Variants in EIF4G1 observed in about 807,000 individuals in gnomAD.
EIF4G1 encodes EIF4-gamma.
In EIF4G1, 4 loss-of-function variants were observed where a neutral mutation model predicts 187.8. That is an observed-to-expected ratio of 0.02 (90% CI 0.01 to 0.05). EIF4G1 has a LOEUF of 0.05. Ranked by LOEUF, EIF4G1 falls within the 10% of genes least tolerant of loss-of-function variation. EIF4G1 has a pLI of 1.00. For synonymous variants in EIF4G1, 844 were observed against 781.4 expected, an observed-to-expected ratio of 1.08 and a Z score of -1.34; for missense variants, 1,647 against 2,081.1, an observed-to-expected ratio of 0.79 and a Z score of 4.06.
chr3:184,323,039 C>T lies in EIF4G1; in HGVS notation c.1930-44C>T, dbSNP rs1173758341. The stretch of plus-strand genomic sequence containing the variant: ...CCTGAGGTCCTGAAAGAGTAGTCAA[C>T]CGCTCTAGCCTGCTTCTGAGACCTT... On this transcript the variant is annotated intron_variant, in intron 13 of 32. Transcript: ENST00000346169. The surrounding 1 kb of genome is among the most constrained non-coding windows in gnomAD (Gnocchi z 6.9). The T allele has an allele frequency of 1.2e-6, 2 of 1,614,166 alleles. No homozygotes were observed. Among genetic ancestry groups the T allele is most frequent in the Admixed American group, 1.7e-5 (1 of 60,026 alleles).
intron 32 of EIF4G1, among the ~76,000 whole-genome samples, chr3:184,333,245 G>T (rs1726476715): frequency 6.6e-6 from 1 of 152,204 alleles, no homozygotes; most frequent in South Asian, 2.1e-4. Context: ...CATTTGCTGG[G>T]GTAGGCAACG....
intron 28 of EIF4G1, among the ~76,000 whole-genome samples, chr3:184,329,901 C>T (rs553407245): frequency 1.3e-5 from 2 of 152,236 alleles, no homozygotes; most frequent in East Asian, 3.9e-4. Context: ...TTCAAGGGTT[C>T]AGCCATCTGG....
At chr3:184,318,049 A>T (rs1360907284) in intron 6 of EIF4G1, among the ~76,000 whole-genome samples, 1 of 152,190 alleles carries the variant, frequency 6.6e-6, no homozygotes, top group Non-Finnish European at 1.5e-5. Context: ...GGAATGTAGG[A>T]TCAGGCACCA....
In EIF4G1 at chr3:184,323,350, TCA is replaced by T. The variant is rs1491522775; in HGVS notation, c.2089-55_2089-54del. The T allele has an allele frequency of 1.9e-6, 3 of 1,612,352 alleles. No homozygotes were observed. The highest frequency in any genetic ancestry group is 1.7e-5 in the Admixed American group (1 of 59,932). On this transcript the variant is annotated intron_variant, in intron 14 of 32. Coordinates refer to ENST00000346169, the MANE Select transcript of EIF4G1 (RefSeq NM_198241.3). This position sits in a 1 kb window ranked among gnomAD's most constrained non-coding sequence, Gnocchi z 6.9. ...GCCCTGGAGGCGTGTAGTAGTGGTG[TCA>T]CATATTGTGCTGACTAGTTCCATGT...
chr3:184,318,660 A>T (rs1723213934), intron 6 of EIF4G1, among the ~76,000 whole-genome samples: 1 of 152,184 alleles, frequency 6.6e-6, no homozygotes. Flanking sequence ...GCTGGAATGT[A>T]GTCGCACAGT....
At chr3:184,326,320 AG>A (rs1329172074) in intron 21 of EIF4G1, among the ~76,000 whole-genome samples, 9 of 152,360 alleles carry the variant, frequency 5.9e-5, no homozygotes, top group African/African-American at 2.2e-4. Context: ...ATTGGAACAC[AG>A]TCACAGCATG....
chr3:184,323,070 G>A lies in EIF4G1; in HGVS notation c.1930-13G>A, dbSNP rs1724195121. 6.2e-7 allele frequency: 1 copy of A among 1,614,148 alleles called. No homozygotes were observed. The highest frequency in any genetic ancestry group is 1.1e-5 in the South Asian group (1 of 91,088). Reference sequence around the variant, plus strand: ...TAGCCTGCTTCTGAGACCTTTTCCTGTCCTCTTTGCAGGCCAATAAAACAC... The same window carrying A: ...TAGCCTGCTTCTGAGACCTTTTCCTATCCTCTTTGCAGGCCAATAAAACAC... On this transcript the variant is annotated splice_polypyrimidine_tract_variant and intron_variant, in intron 13 of 32. Transcript: ENST00000346169. The surrounding 1 kb of genome is among the most constrained non-coding windows in gnomAD (Gnocchi z 6.9).
rs1724216785 is a variant in EIF4G1 at position 184,323,251 on chromosome 3, G to A, written c.2088+10G>A. The A allele has an allele frequency of 1.2e-6, 2 of 1,613,990 alleles. No individual in the cohort carries two copies. The highest frequency in any genetic ancestry group is 2.7e-5 in the African/African-American group (2 of 74,948). ...GCTGCCCCGTGGGCCGGTGAGTGGG[G>A]CTGGGTAAAGTGGCAGGTGGGCAAG... On this transcript the variant is annotated intron_variant, in intron 14 of 32. Transcript: ENST00000346169. This position sits in a 1 kb window ranked among gnomAD's most constrained non-coding sequence, Gnocchi z 6.9.
At position 184,335,048 on chromosome 3, in the gene EIF4G1, A is replaced by G; in HGVS notation, c.*140A>G. On this transcript the variant is annotated 3_prime_UTR_variant, in exon 33 of 33. Coordinates refer to ENST00000346169, the MANE Select transcript of EIF4G1 (RefSeq NM_198241.3). ...TGTGTCTGAACTAATAAAGTGGCTGAAGAGGCAGGATGGCTTGGGGCTGCC... is the reference window on the plus strand; with the variant it reads ...TGTGTCTGAACTAATAAAGTGGCTGGAGAGGCAGGATGGCTTGGGGCTGCC... 1 of 1,241,506 alleles carries G rather than the reference A, an allele frequency of 8.1e-7. No homozygotes were observed. Among genetic ancestry groups the G allele is most frequent in the Non-Finnish European group, 1.1e-6 (1 of 887,846 alleles). 76.9% of individuals were successfully genotyped at this position (1,241,506 alleles called of 1,614,324 possible).
At chr3:184,320,428 A>G (rs1723687134) in intron 7 of EIF4G1, 2 of 1,480,328 alleles carry the variant, frequency 1.4e-6, no homozygotes, top group Non-Finnish European at 1.8e-6. Context: ...TGTGAGATCA[A>G]GGGTCTCTTA....
chr3:184,314,899 T>C (rs1442258202), intron 1 of EIF4G1, among the ~76,000 whole-genome samples: 4 of 150,184 alleles, frequency 2.7e-5, no homozygotes, highest in African/African-American at 9.8e-5. Flanking sequence ...GGCCGGACTA[T>C]GCGGGCCCCG....
chr3:184,322,210 A>G (rs986627383), intron 10 of EIF4G1, 107 bp downstream of exon 10: 6 of 1,574,896 alleles, frequency 3.8e-6, no homozygotes, highest in Non-Finnish European at 5.2e-6. Context: ...CTGCAATGGA[A>G]TCTAAGAACT....
chr3:184,321,214 G>T (rs1723846773), intron 9 of EIF4G1, 68 bp from the exon 10 acceptor site: 13 of 1,599,186 alleles, frequency 8.1e-6, no homozygotes, highest in Non-Finnish European at 1.1e-5. Flanking sequence ...CTGGGCTGGA[G>T]GATGGGGAGG....
In EIF4G1 at chr3:184,325,674, G is replaced by C; in HGVS notation, c.3121+35G>C. 6.2e-7 allele frequency: 1 copy of C among 1,614,144 alleles called. No homozygotes were observed. The stretch of plus-strand genomic sequence containing the variant: ...AAGCTGGGATTGAGAAGGGAGCAGT[G>C]AAGGGACCGGGAGGTTATACTTTCC... On this transcript the variant is annotated intron_variant, in intron 20 of 32. Transcript: ENST00000346169. This position sits in a 1 kb window ranked among gnomAD's most constrained non-coding sequence, Gnocchi z 5.2.
In EIF4G1 at chr3:184,315,043, C is replaced by T. The variant is rs560594259; in HGVS notation, c.-92+369C>T. The T allele has an allele frequency of 3.2e-5, 6 of 189,212 alleles. No homozygotes were observed. The South Asian group carries it at 4.6e-4, about 15-fold the overall frequency. The allele number at this position is 189,212 out of a possible 1,614,324, so 11.7% of individuals were successfully genotyped here. A position where few individuals can be genotyped will look rare whatever the true frequency, so the allele number is the denominator to read the frequency against. On this transcript the variant is annotated intron_variant, in intron 1 of 32. Coordinates refer to ENST00000346169, the MANE Select transcript of EIF4G1 (RefSeq NM_198241.3). ...CCTCCCCCCTTCGCGGCCAGGCCGC[C>T]GGGAAGTGACACGTTGTTCTTTGGC...
rs1275790181 is a variant in EIF4G1, at chr3:184,325,725, G to A, written c.3121+86G>A. 3.7e-6 allele frequency: 6 copies of A among 1,611,332 alleles called. No homozygotes were observed. Among genetic ancestry groups the A allele is most frequent in the East Asian group, 2.2e-5 (1 of 44,856 alleles). On this transcript the variant is annotated intron_variant, in intron 20 of 32. Coordinates refer to ENST00000346169, the MANE Select transcript of EIF4G1 (RefSeq NM_198241.3). The surrounding 1 kb of genome is among the most constrained non-coding windows in gnomAD (Gnocchi z 5.2). ...TCTGATGACTTCCTGTTAGTGCCAC[G>A]TGTCTGGGCCACTGAGACACCATGA...
At chr3:184,333,516 A>G (rs143599792) in intron 32 of EIF4G1, among the ~76,000 whole-genome samples, 9 of 152,288 alleles carry the variant, frequency 5.9e-5, no homozygotes, top group African/African-American at 2.2e-4. Context: ...CCTCTGAACC[A>G]AGGACAGAGA....
chr3:184,324,832 G>A lies in EIF4G1; in HGVS notation c.2620-46G>A. ...CCAGGTAGAAAAGGGTTTTAGCCGA[G>A]TGGCTGGTTATCTTTTTGACACAAT... On this transcript the variant is annotated intron_variant, in intron 17 of 32. Transcript: ENST00000346169. 5 of 1,598,998 alleles carry A rather than the reference G, an allele frequency of 3.1e-6. 1 individual carries two copies. Among genetic ancestry groups the A allele is most frequent in the African/African-American group, 1.3e-5 (1 of 74,860 alleles).
Position 184,321,855 on chromosome 3 carries a change from A to G in EIF4G1, c.1271A>G (p.Gln424Arg). The change falls in exon 10 of 33, where the codon CAG becomes CGG. Residue 424 changes from glutamine (Q) to arginine (R), a missense_variant. By Grantham distance (43) the Gln-to-Arg change is conservative (BLOSUM62 1). Coordinates refer to ENST00000346169, the MANE Select transcript of EIF4G1 (RefSeq NM_198241.3). ...AGCCCAGTCAGTGAGCCAGAGGAGC[A>G]GGCCAAGGAGGTGACAGCATCAATG... ...DLSPVSEPEE[Q>R]AKEVTASMAP... 6.2e-7 allele frequency: 1 copy of G among 1,614,118 alleles called. No homozygotes were observed. The highest frequency in any genetic ancestry group is 1.1e-5 in the South Asian group (1 of 91,080).
Sources: gnomAD v4.1 joint callset for allele counts (sites outside exome capture counted in the v4.1 genomes callset) on GRCh38, gnomAD v4.1.1 for gene constraint, Gnocchi (gnomAD v3.1) non-coding constraint, MANE v1.5 for transcripts, NCBI Gene and HGNC (gene_info 2026-07-23, HGNC 2026-07-21) for gene names.